The following L2HGDH variants were observed in gnomAD, a reference collection of about 807,000 sequenced individuals.
L2HGDH encodes the protein L-2-hydroxyglutarate dehydrogenase.
A neutral mutation model predicts 51.5 loss-of-function variants in L2HGDH; 34 were observed. That is an observed-to-expected ratio of 0.66 (90% confidence interval 0.50 to 0.88). The LOEUF is 0.88. Ranked by LOEUF, L2HGDH falls within the 40% of genes least tolerant of loss-of-function variation. The probability of loss-of-function intolerance (pLI) is 0.00; values close to 1 mark genes in which losing one functional copy is unlikely to be tolerated. For missense variants in L2HGDH, 558 were observed against 571.9 expected, an observed-to-expected ratio of 0.98 and a Z score of 0.25; for synonymous variants, 198 against 197.9, an observed-to-expected ratio of 1.00 and a Z score of -0.01.
intron 5 of L2HGDH, 124 bp downstream of exon 5, chr14:50,283,747 C>T (rs1890404577): frequency 5.3e-6 from 4 of 749,250 alleles, no homozygotes; most frequent in South Asian, 5.1e-5. Flanking sequence ...TATTATTCTA[C>T]TATTATTTTT....
chr14:50,262,314 C>T (rs1292238431), intron 9 of L2HGDH, among the ~76,000 whole-genome samples: 1 of 151,702 alleles, frequency 6.6e-6, no homozygotes, highest in Non-Finnish European at 1.5e-5. Flanking sequence ...CCTGTAATCC[C>T]AGCTACTCGG....
intron 4 of L2HGDH, among the ~76,000 whole-genome samples, chr14:50,285,282 C>G (rs1164964055): frequency 1.3e-5 from 2 of 152,124 alleles, no homozygotes; most frequent in Non-Finnish European, 2.9e-5. Context: ...CCCACTGGGA[C>G]CAATGTTTTC....
intron 7 of L2HGDH, among the ~76,000 whole-genome samples, chr14:50,268,396 A>AAAG (rs1889471337): frequency 6.6e-6 from 1 of 151,476 alleles, no homozygotes; most frequent in Non-Finnish European, 1.5e-5. Flanking sequence ...AAAAAAAAAA[A>AAAG]AAAAAGAAAC....
chr14:50,264,006 C>T (rs1307138428), intron 9 of L2HGDH, among the ~76,000 whole-genome samples: 2 of 150,842 alleles, frequency 1.3e-5, no homozygotes, highest in East Asian at 4.0e-4. Flanking sequence ...AACTCCTGAC[C>T]TCAGGTGATC....
Position 50,312,067 on chromosome 14 carries a change from C to A in L2HGDH, c.84G>T (p.Gly28=), listed in dbSNP as rs1435831233. 6 of 1,599,222 alleles carry A rather than the reference C, an allele frequency of 3.8e-6. No individual in the cohort carries two copies. In the East Asian group the frequency reaches 1.4e-4, roughly 36 times the overall value. ...GCGGTCTTGGCCTCCCAGACGCGAA[C>A]CCGCACGCCCCAGGGGAGCCACCGG... The part of the protein sequence containing the change: ...LFAGGSPGAC[G]FASGRPRPLC... Residue 28 remains glycine (G), a synonymous_variant, in exon 1 of 10, where the codon GGG becomes GGT. Transcript: ENST00000267436.
At chr14:50,306,341 G>A (rs1188440520) in intron 1 of L2HGDH, among the ~76,000 whole-genome samples, 1 of 152,056 alleles carries the variant, frequency 6.6e-6, no homozygotes, top group Non-Finnish European at 1.5e-5. Flanking sequence ...GAACCACCGT[G>A]CCCAGCTGTA....
chr14:50,278,723 TAAC>T (rs1308860368), intron 5 of L2HGDH, among the ~76,000 whole-genome samples, 169 bp from the exon 6 acceptor site: 1 of 152,242 alleles, frequency 6.6e-6, no homozygotes, highest in Non-Finnish European at 1.5e-5. Flanking sequence ...AGTTCATACT[TAAC>T]AACATATAAA....
intron 4 of L2HGDH, among the ~76,000 whole-genome samples, chr14:50,286,948 C>G (rs899018782): frequency 6.6e-6 from 1 of 152,190 alleles, no homozygotes; most frequent in African/African-American, 2.4e-5. Context: ...TATTCATCTT[C>G]TTATCTATCT....
intron 9 of L2HGDH, among the ~76,000 whole-genome samples, chr14:50,257,057 T>G (rs1482564707): frequency 1.3e-5 from 2 of 152,152 alleles, no homozygotes; most frequent in Non-Finnish European, 2.9e-5. Flanking sequence ...TGCCTCAGCC[T>G]CCCAAGTAGC....
chr14:50,250,676 C>G (rs80343828), intron 9 of L2HGDH, among the ~76,000 whole-genome samples: 1,557 of 152,232 alleles, frequency 0.01, 23 homozygotes, highest in African/African-American at 0.036. Flanking sequence ...ATCACCACAC[C>G]CCCCAGTTCC....
chr14:50,305,245 T>A (rs1389403290), intron 1 of L2HGDH, among the ~76,000 whole-genome samples: 1 of 152,212 alleles, frequency 6.6e-6, no homozygotes, highest in East Asian at 1.9e-4. Flanking sequence ...CAGGTGGTTC[T>A]CCTGCAGCAG....
chr14:50,310,064 A>AAC (rs369927410), intron 1 of L2HGDH, among the ~76,000 whole-genome samples: 23 of 151,382 alleles, frequency 1.5e-4, no homozygotes, highest in East Asian at 5.8e-4. Flanking sequence ...CATAGAACTA[A>AAC]ACACACACAC....
intron 6 of L2HGDH, among the ~76,000 whole-genome samples, chr14:50,272,277 T>C (rs1431698271): frequency 2.0e-5 from 3 of 152,228 alleles, no homozygotes; most frequent in East Asian, 3.8e-4. Context: ...ACAAAGTATA[T>C]ATCCACTGGT....
Position 50,245,704 on chromosome 14 carries a change from G to A in L2HGDH, c.*1354C>T, listed in dbSNP as rs1026423248. ...GTCTATGAGAGACCAAACGAGCTTAGGTAGCGTAATGCTAAAAAATTGATT... is the reference window on the plus strand; with the variant it reads ...GTCTATGAGAGACCAAACGAGCTTAAGTAGCGTAATGCTAAAAAATTGATT... On this transcript the variant is annotated 3_prime_UTR_variant, in exon 10 of 10. Coordinates refer to ENST00000267436, the MANE Select transcript of L2HGDH (RefSeq NM_024884.3). 71 of 985,062 alleles carry A rather than the reference G, an allele frequency of 7.2e-5. No homozygotes were observed. In the African/African-American group the frequency reaches 1.2e-3, roughly 16 times the overall value. 61.0% of individuals were successfully genotyped at this position (985,062 alleles called of 1,614,324 possible). A position where few individuals can be genotyped will look rare whatever the true frequency, so the allele number is the denominator to read the frequency against.
chr14:50,278,660 T>C (rs922356274), intron 5 of L2HGDH, 106 bp from the exon 6 acceptor site: 1 of 667,206 alleles, frequency 1.5e-6, no homozygotes, highest in African/African-American at 1.8e-5. Flanking sequence ...GTCATTACTA[T>C]GATTGCACCT....
At chr14:50,263,809 C>T (rs1431165938) in intron 9 of L2HGDH, among the ~76,000 whole-genome samples, 1 of 138,784 alleles carries the variant, frequency 7.2e-6, no homozygotes, top group Non-Finnish European at 1.5e-5. Context: ...GAGTTTTGCT[C>T]TTGTTGCCCA....
In L2HGDH at chr14:50,263,774, C is replaced by CTT. The variant is rs11458897; in HGVS notation, c.1196+1582_1196+1583dup. Reference sequence around the variant, plus strand: ...AGATCAAGTCTAGAAAGCCTTTTATCTTTTTTTTTTTTTTTTGTGAGACGG... The same window carrying CTT: ...AGATCAAGTCTAGAAAGCCTTTTATCTTTTTTTTTTTTTTTTTTGTGAGACGG... On this transcript the variant is annotated intron_variant, in intron 9 of 9. Coordinates refer to ENST00000267436, the MANE Select transcript of L2HGDH (RefSeq NM_024884.3). 2.2e-3 allele frequency among the ~76,000 whole-genome samples: 305 copies of CTT among 137,246 alleles called. 2 individuals carry two copies. The highest frequency in any genetic ancestry group is 2.8e-3 in the Non-Finnish European group (182 of 64,022). The allele number at this position is 137,246 out of a possible 152,430, so 90.0% of individuals were successfully genotyped here.
intron 1 of L2HGDH, among the ~76,000 whole-genome samples, chr14:50,310,781 T>C (rs2031074033): frequency 6.6e-6 from 1 of 151,932 alleles, no homozygotes; most frequent in Non-Finnish European, 1.5e-5. Flanking sequence ...AAGAAAAGCT[T>C]CCCAAAAGAA....
rs373034406 is a variant in L2HGDH, at chr14:50,269,121, C to T, written c.906+42G>A. 2.6e-6 allele frequency: 4 copies of T among 1,515,628 alleles called. No homozygotes were observed. The South Asian group carries it at 3.4e-5, about 13-fold the overall frequency. The allele number at this position is 1,515,628 out of a possible 1,614,324, so 93.9% of individuals were successfully genotyped here. A position where few individuals can be genotyped will look rare whatever the true frequency, so the allele number is the denominator to read the frequency against. ...GTTTTCATCTCCTTTATGACCACCACCTGCTTGAAAAAAATGAGAAGTAGG... is the reference window on the plus strand; with the variant it reads ...GTTTTCATCTCCTTTATGACCACCATCTGCTTGAAAAAAATGAGAAGTAGG... On this transcript the variant is annotated intron_variant, in intron 7 of 9. Transcript: ENST00000267436.
Sources: allele counts gnomAD v4.1 joint callset (sites outside exome capture counted in the v4.1 genomes callset), GRCh38; gene constraint gnomAD v4.1.1; transcripts MANE v1.5; gene names NCBI Gene and HGNC (gene_info 2026-07-23, HGNC 2026-07-21).